TVP23C: variants seen among roughly 807,000 people sequenced by gnomAD.
The protein encoded by TVP23C is trans-golgi network vesicle protein 23 homolog C.
TVP23C carries 19 observed loss-of-function variants against 28.7 expected under a neutral mutation model. That is an observed-to-expected ratio of 0.66 (90% CI 0.46 to 0.97). TVP23C has a LOEUF of 0.97. Ranked by LOEUF, TVP23C falls within the 50% of genes least tolerant of loss-of-function variation. The probability of loss-of-function intolerance (pLI) is 0.00; values close to 1 mark genes in which losing one functional copy is unlikely to be tolerated. For synonymous variants in TVP23C, 68 were observed against 81.7 expected (o/e 0.83, Z 0.90); for missense variants, 186 against 241.3 (o/e 0.77, Z 1.52).
downstream of TVP23C, among the ~76,000 whole-genome samples, chr17:15,533,751 C>G (rs1376158837): frequency 6.6e-6 from 1 of 151,988 alleles, no homozygotes; most frequent in Admixed American, 6.6e-5. Flanking sequence ...TGGGTGATTT[C>G]AAGAAGGGCT....
At chr17:15,532,989 T>A (rs1011832321), downstream of TVP23C, among the ~76,000 whole-genome samples, 1 of 152,174 alleles carries the variant, frequency 6.6e-6, no homozygotes, top group Non-Finnish European at 1.5e-5. Flanking sequence ...ACACCAGAGT[T>A]CAAGTTCGTA....
intron 5 of TVP23C, among the ~76,000 whole-genome samples, chr17:15,524,348 A>G (rs1223863368): frequency 6.6e-6 from 1 of 152,070 alleles, no homozygotes; most frequent in Non-Finnish European, 1.5e-5. Flanking sequence ...ACAGCCATTG[A>G]GCATCTGTCA....
At chr17:15,551,259 C>T (rs916698309) in intron 3 of TVP23C, among the ~76,000 whole-genome samples, 4 of 147,974 alleles carry the variant, frequency 2.7e-5, no homozygotes, top group Admixed American at 1.4e-4. Flanking sequence ...CCACCATGCC[C>T]GGCTCATTTT....
chr17:15,548,800 C>A (rs936272308), intron 3 of TVP23C, among the ~76,000 whole-genome samples: 1 of 152,172 alleles, frequency 6.6e-6, no homozygotes, highest in South Asian at 2.1e-4. Flanking sequence ...CTTATATATG[C>A]TATATTTTTT....
intron 1 of TVP23C, among the ~76,000 whole-genome samples, chr17:15,556,286 T>C (rs1984127060): frequency 6.7e-6 from 1 of 150,144 alleles, no homozygotes; most frequent in African/African-American, 2.4e-5. Flanking sequence ...CAAAAAAAGA[T>C]TTTTTTAAGA....
In TVP23C at chr17:15,503,054, TAA is replaced by T; in HGVS notation, c.639_640del (p.Tyr214LeufsTer8). Reference sequence around the variant, plus strand: ...ACTAAGGCGGGGCGCAGGTTTCCAGTAAAGAGCTCGATCCGTGATCCTCGTGA... The same window carrying T: ...ACTAAGGCGGGGCGCAGGTTTCCAGTAGAGCTCGATCCGTGATCCTCGTGA... On this transcript the variant is annotated frameshift_variant, in exon 6 of 6. Transcript: ENST00000225576. LOFTEE classifies it low-confidence loss of function (END_TRUNC). 1 of 1,614,072 alleles carries T rather than the reference TAA, an allele frequency of 6.2e-7. No individual in the cohort carries two copies. The highest frequency in any genetic ancestry group is 8.5e-7 in the Non-Finnish European group (1 of 1,180,020).
At chr17:15,556,016 A>C (rs1260444358) in intron 1 of TVP23C, among the ~76,000 whole-genome samples, 1 of 152,202 alleles carries the variant, frequency 6.6e-6, no homozygotes, top group Non-Finnish European at 1.5e-5. Flanking sequence ...TCCCGGGTTC[A>C]AACGATTCTC....
chr17:15,539,092 C>A lies in TVP23C; in HGVS notation c.*1320G>T, dbSNP rs2078863965. 3 of 981,028 alleles carry A rather than the reference C, an allele frequency of 3.1e-6. No individual in the cohort carries two copies. The highest frequency in any genetic ancestry group is 1.1e-4 in the East Asian group (1 of 8,786). 60.8% of individuals were successfully genotyped at this position (981,028 alleles called of 1,614,324 possible). ...GGGCTTTAGTTATCTAAAATGTAAT[C>A]CCTGGACCAGTGCCCTCAGTACCAC... On this transcript the variant is annotated 3_prime_UTR_variant, in exon 6 of 6. Coordinates refer to ENST00000518321, the MANE Select transcript of TVP23C (RefSeq NM_001135036.2).
chr17:15,548,707 AAAGT>A (rs1983755198), intron 3 of TVP23C, among the ~76,000 whole-genome samples: 1 of 152,232 alleles, frequency 6.6e-6, no homozygotes, highest in South Asian at 2.1e-4. Flanking sequence ...ATAAATTCAT[AAAGT>A]ATAGTAGTCC....
At chr17:15,544,784 T>C (rs539127649) in intron 5 of TVP23C, among the ~76,000 whole-genome samples, 24 of 152,006 alleles carry the variant, frequency 1.6e-4, no homozygotes, top group African/African-American at 5.3e-4. Context: ...AAGCTTCCAA[T>C]AAGCTTCCAA....
chr17:15,534,922 T>A (rs1361493242), downstream of TVP23C, among the ~76,000 whole-genome samples: 1 of 151,572 alleles, frequency 6.6e-6, no homozygotes, highest in Non-Finnish European at 1.5e-5. Context: ...GAGCCAAGAT[T>A]ATGGCACTGC....
At chr17:15,513,509 A>C (rs1043792433) in intron 5 of TVP23C, among the ~76,000 whole-genome samples, 6 of 152,212 alleles carry the variant, frequency 3.9e-5, no homozygotes, top group Non-Finnish European at 8.8e-5. Flanking sequence ...AGGGCTGTCC[A>C]GTCCTAGCGT....
In TVP23C at chr17:15,541,521, C is replaced by T. The variant is rs1983409818; in HGVS notation, c.463-960G>A. On this transcript the variant is annotated intron_variant, in intron 5 of 5. Coordinates refer to ENST00000518321, the MANE Select transcript of TVP23C (RefSeq NM_001135036.2). ...CCTTGTTCTGGAATAAACAGCTCAT[C>T]GACCATTCTACTCTTTTATATCTGT... Among the ~76,000 whole-genome samples the T allele has an allele frequency of 2.0e-5, 3 of 152,022 alleles. No homozygotes were observed. In the South Asian group the frequency reaches 6.2e-4, roughly 32 times the overall value.
chr17:15,542,562 C>T (rs1032226787), intron 5 of TVP23C, among the ~76,000 whole-genome samples: 59 of 152,106 alleles, frequency 3.9e-4, no homozygotes, highest in African/African-American at 1.1e-3. Context: ...CTGCAAACTC[C>T]GCCTCCTGGG....
intron 1 of TVP23C, among the ~76,000 whole-genome samples, chr17:15,560,927 TA>T (rs979439243): frequency 1.3e-5 from 2 of 150,596 alleles, no homozygotes; most frequent in Admixed American, 1.3e-4. Context: ...TTAAAAGGAT[TA>T]AAAAACTGAT....
intron 1 of TVP23C, among the ~76,000 whole-genome samples, chr17:15,555,565 C>T (rs975761756): frequency 6.6e-6 from 1 of 152,188 alleles, no homozygotes; most frequent in Non-Finnish European, 1.5e-5. Flanking sequence ...AGAGAATAAT[C>T]GAAGTCTCAG....
rs982547441 is a variant in TVP23C at position 15,503,540 on chromosome 17, G to A, written c.463-308C>T. ...TAGTCTCGTTTTGTTGCCTTATTAT[G>A]TTCTATTTCAACTTTCAAAAAAAAT... On this transcript the variant is annotated intron_variant, in intron 5 of 5. Coordinates refer to the TVP23C transcript ENST00000225576. The A allele has an allele frequency of 3.5e-4, 73 of 206,440 alleles. No homozygotes were observed. In the Admixed American group the frequency reaches 4.4e-3, roughly 12 times the overall value. 12.8% of individuals were successfully genotyped at this position (206,440 alleles called of 1,614,324 possible).
intron 5 of TVP23C, among the ~76,000 whole-genome samples, chr17:15,516,821 T>C (rs1982248000): frequency 6.6e-6 from 1 of 152,150 alleles, no homozygotes. Flanking sequence ...CCAGCAGGTG[T>C]ATCACAGACC....
chr17:15,542,976 A>G (rs1299859796), intron 5 of TVP23C, among the ~76,000 whole-genome samples: 3 of 152,204 alleles, frequency 2.0e-5, no homozygotes, highest in African/African-American at 4.8e-5. Flanking sequence ...GTTTTAAGGA[A>G]GTAGAAACAC....
Sources: gnomAD v4.1 joint callset for allele counts (sites outside exome capture counted in the v4.1 genomes callset) on GRCh38, gnomAD v4.1.1 for gene constraint, MANE v1.5 for transcripts, NCBI Gene and HGNC (gene_info 2026-07-23, HGNC 2026-07-21) for gene names.